The following SUSD1 variants were observed in gnomAD, a reference collection of about 807,000 sequenced individuals.
SUSD1 encodes sushi domain containing 1, also known as sushi domain-containing protein 1.
A neutral mutation model predicts 86.9 loss-of-function variants in SUSD1; 65 were observed. That is an observed-to-expected ratio of 0.75 (90% CI 0.61 to 0.92). SUSD1 has a LOEUF of 0.92. SUSD1 is among the 40% of genes least tolerant of loss of function. The pLI is 0.00. For synonymous variants in SUSD1, 346 were observed against 350.0 expected (o/e 0.99, Z 0.13); for missense variants, 850 against 929.7 (o/e 0.91, Z 1.11).
intron 1 of SUSD1, among the ~76,000 whole-genome samples, chr9:112,160,098 G>T (rs1398045491): frequency 1.3e-5 from 2 of 152,010 alleles, no homozygotes; most frequent in Non-Finnish European, 2.9e-5. Flanking sequence ...AGAAAATGGG[G>T]ATTTAGGGAT....
chr9:112,175,158 G>A lies in SUSD1; in HGVS notation c.78C>T (p.Gly26=), dbSNP rs1257584862. 9.2e-7 allele frequency: 1 copy of A among 1,085,356 alleles called. No homozygotes were observed. The highest frequency in any genetic ancestry group is 1.1e-6 in the Non-Finnish European group (1 of 897,066). The allele number at this position is 1,085,356 out of a possible 1,614,324, so 67.2% of individuals were successfully genotyped here. The change falls in exon 1 of 17, where the codon GGC becomes GGT. Residue 26 remains glycine, a synonymous_variant. Coordinates refer to ENST00000374270, the MANE Select transcript of SUSD1 (RefSeq NM_022486.5). This position sits in a 1 kb window ranked among gnomAD's most constrained non-coding sequence, Gnocchi z 4.7. ...CGTCGGGGCCCGGCGCTCCCGCGGC[G>A]CCGCGGGCCAGGCCGAGCAGCAGCA... The part of the protein sequence containing the change: ...PLLLLLGLAR[G]AAGAPGPDGL...
chr9:112,086,570 G>A (rs1373490582), intron 10 of SUSD1, among the ~76,000 whole-genome samples: 7,377 of 149,502 alleles, frequency 0.049, 752 homozygotes, highest in African/African-American at 0.17. Flanking sequence ...AAGAGAGAGA[G>A]AGAGAGAGAG....
rs1471725415 is a variant in SUSD1 at position 112,070,411 on chromosome 9, T to G, written c.1754-7378A>C. 2.0e-5 allele frequency among the ~76,000 whole-genome samples: 3 copies of G among 152,214 alleles called. No individual in the cohort carries two copies. The East Asian group carries it at 5.8e-4, about 29-fold the overall frequency. On this transcript the variant is annotated intron_variant, in intron 12 of 16. Coordinates refer to ENST00000374270, the MANE Select transcript of SUSD1 (RefSeq NM_022486.5). ...TTTCGAGGTGGAACAAACTTGACTT[T>G]CAGCTGAATTTTCCAAGGTGCTCTT... is the stretch of plus-strand genomic sequence containing the variant.
intron 1 of SUSD1, among the ~76,000 whole-genome samples, chr9:112,174,352 T>C (rs1472647042): frequency 6.6e-6 from 1 of 152,188 alleles, no homozygotes; most frequent in Non-Finnish European, 1.5e-5. Context: ...ATGGCACCCA[T>C]GCCATTCTGC....
At chr9:112,071,335 C>T (rs763553536) in intron 12 of SUSD1, among the ~76,000 whole-genome samples, 6 of 151,994 alleles carry the variant, frequency 3.9e-5, no homozygotes, top group African/African-American at 7.2e-5. Context: ...TGACATGCAC[C>T]TGTAGTCTCA....
chr9:112,053,513 CAAA>C (rs56987871), intron 14 of SUSD1, among the ~76,000 whole-genome samples: 26 of 77,656 alleles, frequency 3.3e-4, no homozygotes, highest in African/African-American at 7.3e-4. Flanking sequence ...GACTTCGTCT[CAAA>C]AAAAAAAAAA....
At chr9:112,065,367 A>G (rs1173766602) in intron 12 of SUSD1, among the ~76,000 whole-genome samples, 2 of 152,176 alleles carry the variant, frequency 1.3e-5, no homozygotes, top group South Asian at 4.1e-4. Context: ...TAGTAAAAAA[A>G]TACAAAAATT....
At chr9:112,099,771 AT>A (rs1481163326) in intron 9 of SUSD1, among the ~76,000 whole-genome samples, 4 of 152,164 alleles carry the variant, frequency 2.6e-5, no homozygotes, top group African/African-American at 9.7e-5. Context: ...ATTCCCATCA[AT>A]CACTAACTCT....
chr9:112,136,388 C>T (rs1259133216), intron 5 of SUSD1, among the ~76,000 whole-genome samples: 1 of 152,144 alleles, frequency 6.6e-6, no homozygotes, highest in Non-Finnish European at 1.5e-5. Flanking sequence ...CGCGTGCCAT[C>T]ATGCCCAGAC....
intron 1 of SUSD1, among the ~76,000 whole-genome samples, chr9:112,165,942 G>GAAAGAAAGGAAGA (rs11377595): frequency 4.2e-5 from 3 of 71,962 alleles, no homozygotes; most frequent in African/African-American, 1.6e-4. Context: ...AAGAAAGAAA[G>GAAAGAAAGGAAGA]AAGAAAGAAA....
chr9:112,142,585 TCA>T (rs956423571), intron 4 of SUSD1, 86 bp from the exon 5 acceptor site: 478 of 1,242,608 alleles, frequency 3.8e-4, no homozygotes, highest in African/African-American at 1.1e-3. Flanking sequence ...ACCCTATTCC[TCA>T]CACACACACA....
chr9:112,146,926 A>G (rs1832832589), intron 3 of SUSD1, among the ~76,000 whole-genome samples: 1 of 152,104 alleles, frequency 6.6e-6, no homozygotes, highest in Non-Finnish European at 1.5e-5. Context: ...GTGAGTCACC[A>G]TGCCCAGCCT....
chr9:112,138,264 T>TAC (rs372069004), intron 5 of SUSD1, among the ~76,000 whole-genome samples: 3,719 of 61,830 alleles, frequency 0.06, 355 homozygotes, highest in Middle Eastern at 0.1. Context: ...TATGTGTATA[T>TAC]ACATATATAT....
chr9:112,042,353 T>A (rs1402657735), intron 15 of SUSD1, among the ~76,000 whole-genome samples: 1 of 152,200 alleles, frequency 6.6e-6, no homozygotes, highest in African/African-American at 2.4e-5. Context: ...TGATATTATT[T>A]GAATTTGGTT....
chr9:112,041,592 G>A, intron 16 of SUSD1, 100 bp from the exon 17 acceptor site: 2 of 763,816 alleles, frequency 2.6e-6, no homozygotes, highest in Non-Finnish European at 4.9e-6. Context: ...CCCATGGGAG[G>A]AGGCGAGGGG....
In SUSD1 at chr9:112,143,512, G is replaced by A; in HGVS notation, c.485C>T (p.Pro162Leu). 1 of 1,613,920 alleles carries A rather than the reference G, an allele frequency of 6.2e-7. No homozygotes were observed. The highest frequency in any genetic ancestry group is 8.5e-7 in the Non-Finnish European group (1 of 1,179,970). Residue 162 changes from proline (P) to leucine (L), a missense_variant, in exon 4 of 17, where the codon CCT becomes CTT. Transcript: ENST00000374270. ...CMDGYLPRNG[P>L]EPFHPTTDAT... ...ATCGGTGGTCGGGTGGAAAGGTTCA[G>A]GTCCATTCCTTGGCAAGTATCCATC...
At chr9:112,080,695 A>AG (rs570496641) in intron 10 of SUSD1, among the ~76,000 whole-genome samples, 26 of 151,622 alleles carry the variant, frequency 1.7e-4, no homozygotes, top group Non-Finnish European at 3.5e-4. Context: ...CTCAAGAAAA[A>AG]AAAAAAAAAG....
chr9:112,059,935 C>T (rs74657846), intron 13 of SUSD1, among the ~76,000 whole-genome samples: 6,250 of 152,104 alleles, frequency 0.041, 219 homozygotes, highest in Admixed American at 0.089. Context: ...AATGATAGCT[C>T]CCCAACCCCC....
rs869259276 is a variant in SUSD1, at chr9:112,077,499, C to CTTTT, written c.1753+1035_1753+1038dup. ...ATCATTGTCCCCTGATAGTAATCTA[C>CTTTT]TTTTTTTTTTTTTTTTTTTTTTTTT... On this transcript the variant is annotated intron_variant, in intron 12 of 16. Transcript: ENST00000374270. 5.3e-4 allele frequency among the ~76,000 whole-genome samples: 35 copies of CTTTT among 66,422 alleles called. 4 individuals carry two copies. Among genetic ancestry groups the CTTTT allele is most frequent in the Middle Eastern group, 0.011 (1 of 88 alleles). 43.6% of individuals were successfully genotyped at this position (66,422 alleles called of 152,430 possible).
Sources: gnomAD v4.1 joint callset for allele counts (sites outside exome capture counted in the v4.1 genomes callset) on GRCh38, gnomAD v4.1.1 for gene constraint, Gnocchi (gnomAD v3.1) non-coding constraint, MANE v1.5 for transcripts, NCBI Gene and HGNC (gene_info 2026-07-23, HGNC 2026-07-21) for gene names.